RB1: variants seen among roughly 807,000 people sequenced by gnomAD.
RB1 encodes the protein retinoblastoma-associated protein.
Under a neutral mutation model 135.4 loss-of-function variants are expected in RB1, and 18 were observed. The observed-to-expected ratio is 0.13, with a 90% CI of 0.09 to 0.20. The LOEUF is 0.20. Ranked by LOEUF, RB1 falls within the 10% of genes least tolerant of loss-of-function variation. RB1 has a pLI of 1.00. For synonymous variants in RB1, 365 were observed against 373.2 expected, an observed-to-expected ratio of 0.98 and a Z score of 0.25; for missense variants, 868 against 1,110.0, an observed-to-expected ratio of 0.78 and a Z score of 3.10.
intron 17 of RB1, among the ~76,000 whole-genome samples, chr13:48,433,382 C>G (rs1450654419): frequency 6.6e-6 from 1 of 151,946 alleles, no homozygotes; most frequent in Non-Finnish European, 1.5e-5. Context: ...CATTAAAATT[C>G]TTATTTAAGA....
At chr13:48,385,279 G>A (rs1399255626) in intron 17 of RB1, among the ~76,000 whole-genome samples, 1 of 152,090 alleles carries the variant, frequency 6.6e-6, no homozygotes, top group Non-Finnish European at 1.5e-5. Flanking sequence ...AAAACCTCCT[G>A]TGGAGGACAT....
intron 17 of RB1, among the ~76,000 whole-genome samples, chr13:48,420,334 CA>C (rs1164701000): frequency 1.3e-5 from 2 of 152,200 alleles, no homozygotes; most frequent in African/African-American, 4.8e-5. Flanking sequence ...TGAAATTCAA[CA>C]CTGCTTCATG....
intron 17 of RB1, among the ~76,000 whole-genome samples, chr13:48,424,863 G>A (rs1257047869): frequency 6.6e-6 from 1 of 152,006 alleles, no homozygotes; most frequent in East Asian, 1.9e-4. Context: ...AACCAGCCTG[G>A]CCAACATGGT....
chr13:48,386,969 C>T (rs150120862), intron 17 of RB1, among the ~76,000 whole-genome samples: 3 of 152,170 alleles, frequency 2.0e-5, no homozygotes, highest in East Asian at 1.9e-4. Flanking sequence ...TTTCCAGTTC[C>T]GCCCTGCAAC....
chr13:48,421,896 G>A (rs1949011340), intron 17 of RB1, among the ~76,000 whole-genome samples: 2 of 152,184 alleles, frequency 1.3e-5, no homozygotes, highest in South Asian at 4.1e-4. Flanking sequence ...GTGGAGAATA[G>A]GAATGCTTTT....
At chr13:48,460,529 T>C (rs959361735) in intron 20 of RB1, among the ~76,000 whole-genome samples, 3 of 152,226 alleles carry the variant, frequency 2.0e-5, no homozygotes, top group African/African-American at 2.4e-5. Flanking sequence ...ATCATTTTAG[T>C]GTGAAAAAAG....
chr13:48,464,931 TA>T, intron 21 of RB1, 66 bp from the exon 22 acceptor site: 1 of 1,472,896 alleles, frequency 6.8e-7, no homozygotes, highest in Non-Finnish European at 9.0e-7. Flanking sequence ...GTAGAAATTT[TA>T]AAATTCATTT....
Position 48,319,320 on chromosome 13 carries a change from TG to T in RB1, c.264+11918del. 1 of 590,352 alleles carries T rather than the reference TG, an allele frequency of 1.7e-6. No homozygotes were observed. 36.6% of individuals were successfully genotyped at this position (590,352 alleles called of 1,614,324 possible). ...TCTCTCCTCCCGGCGCTGGGCCCTC[TG>T]GGGCAGGTCCCCGTTGGCCTCCTTG... On this transcript the variant is annotated intron_variant, in intron 2 of 26. Transcript: ENST00000267163. This position sits in a 1 kb window ranked among gnomAD's most constrained non-coding sequence, Gnocchi z 5.0.
In RB1 at chr13:48,329,118, T is replaced by G. The variant is rs191046830; in HGVS notation, c.265-13481T>G. 1.5e-3 allele frequency among the ~76,000 whole-genome samples: 236 copies of G among 152,314 alleles called. 1 individual carries two copies. Among genetic ancestry groups the G allele is most frequent in the African/African-American group, 5.3e-3 (222 of 41,578 alleles). ...AATCAAGTTTATGAGACCTAGATATTTAGCAGAGTTTTGGAGTAAATTATT... is the reference window on the plus strand; with the variant it reads ...AATCAAGTTTATGAGACCTAGATATGTAGCAGAGTTTTGGAGTAAATTATT... On this transcript the variant is annotated intron_variant, in intron 2 of 26. Transcript: ENST00000267163.
intron 17 of RB1, among the ~76,000 whole-genome samples, chr13:48,398,090 C>T (rs368582416): frequency 5.9e-5 from 9 of 152,178 alleles, no homozygotes; most frequent in Admixed American, 1.3e-4. Context: ...CAGTATGATG[C>T]CATATATACT....
intron 17 of RB1, among the ~76,000 whole-genome samples, chr13:48,450,873 G>T (rs1949322950): frequency 6.6e-6 from 1 of 151,974 alleles, no homozygotes; most frequent in African/African-American, 2.4e-5. Flanking sequence ...GTGGTTTGTG[G>T]TTGTTGAAGA....
At chr13:48,426,127 C>G (rs928433338) in intron 17 of RB1, among the ~76,000 whole-genome samples, 1 of 152,096 alleles carries the variant, frequency 6.6e-6, no homozygotes, top group Admixed American at 6.6e-5. Context: ...CAAACTCTGC[C>G]CTGAACTTTA....
At chr13:48,462,217 G>A (rs937770794) in intron 20 of RB1, among the ~76,000 whole-genome samples, 3 of 151,772 alleles carry the variant, frequency 2.0e-5, no homozygotes, top group Non-Finnish European at 4.4e-5. Flanking sequence ...TCGAATTCCC[G>A]GGCTCAAGTG....
intron 2 of RB1, among the ~76,000 whole-genome samples, chr13:48,333,368 T>C (rs1234130760): frequency 2.0e-5 from 3 of 152,172 alleles, no homozygotes; most frequent in South Asian, 2.1e-4. Flanking sequence ...GTAGTAGATA[T>C]CAGTTTTGTA....
chr13:48,479,901 C>A, intron 26 of RB1, 97 bp from the exon 27 acceptor site: 1 of 896,584 alleles, frequency 1.1e-6, no homozygotes, highest in Non-Finnish European at 1.8e-6. Context: ...AGGTCCTGAG[C>A]GCCATCAGTT....
chr13:48,406,281 G>T (rs891069049), intron 17 of RB1, among the ~76,000 whole-genome samples: 1 of 152,048 alleles, frequency 6.6e-6, no homozygotes, highest in African/African-American at 2.4e-5. Context: ...CACCAGAAAT[G>T]TATGAAGGTA....
At chr13:48,432,482 T>C (rs1400505686) in intron 17 of RB1, among the ~76,000 whole-genome samples, 3 of 151,588 alleles carry the variant, frequency 2.0e-5, no homozygotes, top group Non-Finnish European at 2.9e-5. Flanking sequence ...TCTCGGAGAG[T>C]AGCTGTCTCT....
At chr13:48,339,429 G>T (rs997012721) in intron 2 of RB1, among the ~76,000 whole-genome samples, 2 of 152,190 alleles carry the variant, frequency 1.3e-5, no homozygotes, top group Non-Finnish European at 2.9e-5. Flanking sequence ...AGACTGCTGT[G>T]CTAGCAATGA....
At chr13:48,399,976 C>G (rs956678836) in intron 17 of RB1, among the ~76,000 whole-genome samples, 2 of 152,000 alleles carry the variant, frequency 1.3e-5, no homozygotes, top group Non-Finnish European at 2.9e-5. Context: ...TACACATTAC[C>G]CATTCTCTTT....
Sources: allele counts gnomAD v4.1 joint callset (sites outside exome capture counted in the v4.1 genomes callset), GRCh38; gene constraint gnomAD v4.1.1; non-coding constraint Gnocchi (gnomAD v3.1); transcripts MANE v1.5; gene names NCBI Gene and HGNC (gene_info 2026-07-23, HGNC 2026-07-21).